Variants in ITSN2 observed in about 807,000 individuals in gnomAD.
ITSN2 encodes intersectin-2.
Under a neutral mutation model 243.7 loss-of-function variants are expected in ITSN2, and 156 were observed. That is an observed-to-expected ratio of 0.64 (90% CI 0.56 to 0.73). ITSN2 has a LOEUF of 0.73. Among genes scored for constraint, ITSN2 ranks in the 30% least tolerant of loss-of-function variants. The pLI, the probability that ITSN2 is intolerant of heterozygous loss-of-function variation, is 0.00. For missense variants in ITSN2, 1,801 were observed against 1,996.1 expected (o/e 0.90, Z 1.86); for synonymous variants, 703 against 699.9 (o/e 1.00, Z -0.07).
intron 1 of ITSN2, among the ~76,000 whole-genome samples, chr2:24,358,143 T>C (rs113499860): frequency 6.6e-6 from 1 of 152,328 alleles, no homozygotes; most frequent in Non-Finnish European, 1.5e-5. Context: ...ACTCCTGACC[T>C]GGTGATCCGC....
At chr2:24,342,359 G>A (rs867741970) in intron 1 of ITSN2, among the ~76,000 whole-genome samples, 15 of 151,528 alleles carry the variant, frequency 9.9e-5, no homozygotes, top group African/African-American at 3.4e-4. Flanking sequence ...TGCCAAGCCC[G>A]GCTAATTTTT....
chr2:24,307,572 C>T (rs569068365), intron 8 of ITSN2, among the ~76,000 whole-genome samples: 10 of 152,322 alleles, frequency 6.6e-5, no homozygotes, highest in Admixed American at 4.6e-4. Flanking sequence ...TATCCCCATG[C>T]TTCCACAAGA....
chr2:24,339,984 T>TATG (rs1421849110), intron 1 of ITSN2, among the ~76,000 whole-genome samples: 1 of 152,052 alleles, frequency 6.6e-6, no homozygotes, highest in Non-Finnish European at 1.5e-5. Flanking sequence ...TACAATGAGC[T>TATG]ATGATTATGT....
intron 15 of ITSN2, among the ~76,000 whole-genome samples, chr2:24,289,254 T>C (rs1008362880): frequency 1.3e-5 from 2 of 152,142 alleles, no homozygotes; most frequent in Non-Finnish European, 2.9e-5. Flanking sequence ...GAACATGGAG[T>C]ATCTTTCCAT....
intron 2 of ITSN2, among the ~76,000 whole-genome samples, chr2:24,321,206 C>T (rs1311074562): frequency 6.6e-6 from 1 of 152,168 alleles, no homozygotes; most frequent in Admixed American, 6.5e-5. Context: ...TCCGCCAGCT[C>T]TCTGAGGTTT....
intron 8 of ITSN2, among the ~76,000 whole-genome samples, chr2:24,308,317 C>CA (rs1294874200): frequency 6.6e-6 from 1 of 152,206 alleles, no homozygotes; most frequent in Non-Finnish European, 1.5e-5. Flanking sequence ...CGTGGCTCTC[C>CA]ATTCACTGCA....
At position 24,303,832 on chromosome 2, in the gene ITSN2, G is replaced by C; in HGVS notation, c.824C>G (p.Ser275Ter). 6.2e-7 allele frequency: 1 copy of C among 1,610,218 alleles called. No homozygotes were observed. The highest frequency in any genetic ancestry group is 8.5e-7 in the Non-Finnish European group (1 of 1,176,500). ...GFQARNALLQSNLSQTQLATI... is the reference protein window; with the variant it reads ...GFQARNALLQ ...AGCCAGCTGAGTTTGAGAAAGATTT[G>C]ACTGAAGAAGGGCATTTCTAGCTTG... The change falls in exon 9 of 40, where the codon TCA becomes TGA. Residue 275 changes from serine to a stop codon, truncating the protein, a stop_gained. Coordinates refer to ENST00000355123, the MANE Select transcript of ITSN2 (RefSeq NM_006277.3). LOFTEE classifies it high-confidence loss of function.
chr2:24,226,955 A>G (rs1671087294), intron 29 of ITSN2, among the ~76,000 whole-genome samples: 1 of 152,142 alleles, frequency 6.6e-6, no homozygotes. Flanking sequence ...ATCTCTATTA[A>G]AAATACAAAA....
intron 1 of ITSN2, among the ~76,000 whole-genome samples, chr2:24,338,973 G>A (rs781352549): frequency 4.6e-5 from 7 of 152,116 alleles, no homozygotes; most frequent in Non-Finnish European, 7.3e-5. Flanking sequence ...ACATGAGGTC[G>A]GTGGCAAACT....
intron 2 of ITSN2, among the ~76,000 whole-genome samples, chr2:24,317,475 G>T (rs1351330637): frequency 6.6e-6 from 1 of 152,152 alleles, no homozygotes; most frequent in East Asian, 1.9e-4. Context: ...ATCAATGAAG[G>T]CTCAGATCAG....
intron 15 of ITSN2, among the ~76,000 whole-genome samples, chr2:24,288,254 A>G (rs1269154316): frequency 6.6e-6 from 1 of 152,012 alleles, no homozygotes; most frequent in Non-Finnish European, 1.5e-5. Context: ...TTTTCCCAAT[A>G]CCATTTATCG....
At chr2:24,330,033 T>C (rs1236044346) in intron 1 of ITSN2, among the ~76,000 whole-genome samples, 1 of 152,188 alleles carries the variant, frequency 6.6e-6, no homozygotes, top group Non-Finnish European at 1.5e-5. Context: ...CAAGGGCCCT[T>C]ATTCATTAGT....
intron 1 of ITSN2, among the ~76,000 whole-genome samples, chr2:24,337,339 T>TATATATATATATATATATATATATAC (rs1159743662): frequency 6.2e-5 from 7 of 113,274 alleles, no homozygotes; most frequent in Non-Finnish European, 9.3e-5. Flanking sequence ...TATATATATA[T>TATATATATATATATATATATATATAC]ATATATATAT....
chr2:24,217,288 G>A (rs1670060290), intron 31 of ITSN2, among the ~76,000 whole-genome samples: 2 of 152,050 alleles, frequency 1.3e-5, no homozygotes, highest in Admixed American at 1.3e-4. Context: ...AAGGCCTTTA[G>A]AATTGTTTTG....
intron 2 of ITSN2, among the ~76,000 whole-genome samples, chr2:24,316,463 A>G (rs2702038): frequency 9.9e-4 from 151 of 152,178 alleles, no homozygotes; most frequent in African/African-American, 3.5e-3. Flanking sequence ...TTGTATTATT[A>G]GTAGAGACAG....
At chr2:24,328,264 G>A in intron 1 of ITSN2, 149 bp from the exon 2 acceptor site, 1 of 571,028 alleles carries the variant, frequency 1.8e-6, no homozygotes, top group African/African-American at 1.9e-5. Flanking sequence ...TGAACAGGCA[G>A]AATTTACATT....
chr2:24,267,224 C>A (rs114653097), intron 20 of ITSN2, among the ~76,000 whole-genome samples: 291 of 151,842 alleles, frequency 1.9e-3, no homozygotes, highest in African/African-American at 6.6e-3. Flanking sequence ...CATCACACAG[C>A]GGGACCTGTC....
intron 1 of ITSN2, among the ~76,000 whole-genome samples, chr2:24,358,026 G>A (rs1688609439): frequency 6.6e-6 from 1 of 152,148 alleles, no homozygotes; most frequent in African/African-American, 2.4e-5. Flanking sequence ...CGATTCTCCT[G>A]CCTCAGCCTC....
At chr2:24,264,299 G>C (rs1306570276) in intron 20 of ITSN2, among the ~76,000 whole-genome samples, 1 of 151,876 alleles carries the variant, frequency 6.6e-6, no homozygotes, top group Non-Finnish European at 1.5e-5. Context: ...GTGGAGGCAG[G>C]AGAATCGCTT....
Sources: allele counts gnomAD v4.1 joint callset (sites outside exome capture counted in the v4.1 genomes callset), GRCh38; gene constraint gnomAD v4.1.1; transcripts MANE v1.5; gene names NCBI Gene and HGNC (gene_info 2026-07-23, HGNC 2026-07-21).